Variants in KLHL25 observed in about 807,000 individuals in gnomAD.
The protein encoded by KLHL25 is kelch-like protein 25.
A neutral mutation model predicts 30.0 loss-of-function variants in KLHL25; 41 were observed. The ratio of observed to expected loss-of-function variants is 1.37; its 90% CI spans 1.07 to 1.78. The LOEUF (loss-of-function observed/expected upper bound fraction) is 1.78. Ranked by LOEUF, KLHL25 falls within the 40% of genes most tolerant of loss-of-function variation. The probability of loss-of-function intolerance (pLI) is 0.00; values close to 1 mark genes in which losing one functional copy is unlikely to be tolerated. For missense variants in KLHL25, 971 were observed against 824.5 expected, an observed-to-expected ratio of 1.18 and a Z score of -2.18; for synonymous variants, 399 against 355.3, an observed-to-expected ratio of 1.12 and a Z score of -1.38.
intron 2 of KLHL25, among the ~76,000 whole-genome samples, chr15:85,764,884 G>T (rs2455558): frequency 6.6e-6 from 1 of 152,226 alleles, no homozygotes; most frequent in African/African-American, 2.4e-5. Flanking sequence ...CTGAGCCTCA[G>T]GGGAATCAAG....
intron 2 of KLHL25, chr15:85,764,622 C>T (rs1398184795): frequency 6.6e-6 from 1 of 152,314 alleles, no homozygotes; most frequent in Non-Finnish European, 1.5e-5. Flanking sequence ...CTGAGGAGGA[C>T]TCCAGTGGGC....
chr15:85,793,303 T>C (rs981554465), intron 1 of KLHL25, among the ~76,000 whole-genome samples: 11 of 152,158 alleles, frequency 7.2e-5, no homozygotes, highest in African/African-American at 2.7e-4. Flanking sequence ...TGAAGGTGTC[T>C]TCCATTTCTA....
chr15:85,760,498 T>C lies in KLHL25; in HGVS notation c.*538A>G, dbSNP rs962261973. On this transcript the variant is annotated 3_prime_UTR_variant, in exon 3 of 3. Transcript: ENST00000337975. ...ATGTCACTGAGGCCCCCCTGCAGTTTCTGCACCTTAAAAAATCTGTCTTGG... is the reference window on the plus strand; with the variant it reads ...ATGTCACTGAGGCCCCCCTGCAGTTCCTGCACCTTAAAAAATCTGTCTTGG... 5 of 152,150 alleles carry C rather than the reference T, an allele frequency of 3.3e-5. No homozygotes were observed. The highest frequency in any genetic ancestry group is 1.2e-4 in the African/African-American group (5 of 41,422). 9.4% of individuals were successfully genotyped at this position (152,150 alleles called of 1,614,324 possible).
chr15:85,770,533 T>C (rs747321317), intron 1 of KLHL25: 4 of 534,268 alleles, frequency 7.5e-6, no homozygotes, highest in Non-Finnish European at 1.5e-5. Flanking sequence ...TGGAGACATG[T>C]TCTCTGAATC....
intron 1 of KLHL25, among the ~76,000 whole-genome samples, chr15:85,788,453 G>A (rs372201408): frequency 2.6e-5 from 4 of 152,288 alleles, no homozygotes; most frequent in Non-Finnish European, 5.9e-5. Flanking sequence ...GTGGGATCAG[G>A]AGAGGGTCGG....
intron 1 of KLHL25, among the ~76,000 whole-genome samples, chr15:85,784,358 G>A (rs117076612): frequency 0.018 from 2,667 of 151,894 alleles, 44 homozygotes; most frequent in Non-Finnish European, 0.029. Context: ...ATGAAACCCC[G>A]GTATCTACTA....
chr15:85,783,813 C>G (rs1211010136), intron 1 of KLHL25, among the ~76,000 whole-genome samples: 1 of 152,150 alleles, frequency 6.6e-6, no homozygotes, highest in African/African-American at 2.4e-5. Flanking sequence ...CCTTGGGCAG[C>G]CTACCAGGAA....
intron 2 of KLHL25, chr15:85,764,290 A>C (rs1176975220): frequency 6.6e-6 from 1 of 152,396 alleles, no homozygotes; most frequent in African/African-American, 2.4e-5. Flanking sequence ...GCATGGGAAC[A>C]ACCCAGGGTC....
Position 85,768,024 on chromosome 15 carries a change from G to A in KLHL25, c.*17C>T, listed in dbSNP as rs1206737840. 1.9e-6 allele frequency: 3 copies of A among 1,599,008 alleles called. No individual in the cohort carries two copies. The highest frequency in any genetic ancestry group is 1.7e-4 in the Middle Eastern group (1 of 5,878). ...GGGCTGCCAGGGACTCACCTGGCTG[G>A]GCTCAGCAGGTGCTCCTCACGCGGG... On this transcript the variant is annotated 3_prime_UTR_variant, in exon 2 of 3. Coordinates refer to ENST00000337975, the MANE Select transcript of KLHL25 (RefSeq NM_022480.4).
chr15:85,768,673 C>T lies in KLHL25; in HGVS notation c.1138G>A (p.Gly380Ser). 6.2e-7 allele frequency: 1 copy of T among 1,613,330 alleles called. No individual in the cohort carries two copies. The highest frequency in any genetic ancestry group is 8.5e-7 in the Non-Finnish European group (1 of 1,179,640). ...KAAPMLIARF[G>S]HGSAELENCL... ...TTCTCCAGCTCAGCTGAGCCATGGC[C>T]AAAGCGGGCAATCAGCATGGGCGCC... The change falls in exon 2 of 3, where the codon GGC becomes AGC. Residue 380 changes from glycine to serine, a missense_variant. Physicochemically the swap from Gly to Ser is moderately conservative, Grantham distance 56. Transcript: ENST00000337975.
chr15:85,767,927 C>T (rs187781078), intron 2 of KLHL25, 90 bp downstream of exon 2: 15 of 841,526 alleles, frequency 1.8e-5, no homozygotes, highest in East Asian at 5.4e-5. Context: ...CTGGAAGACA[C>T]GGTGACCTTC....
chr15:85,794,676 C>G (rs1347666309), intron 1 of KLHL25, 90 bp downstream of exon 1: 1 of 152,126 alleles, frequency 6.6e-6, no homozygotes, highest in South Asian at 2.1e-4. Flanking sequence ...GGTCCCGGCC[C>G]GGCCCGGGGT....
In KLHL25 at chr15:85,769,292, C is replaced by A. The variant is rs767900772; in HGVS notation, c.519G>T (p.Leu173=). 2.3e-5 allele frequency: 37 copies of A among 1,613,978 alleles called. No homozygotes were observed. The highest frequency in any genetic ancestry group is 1.6e-5 in the Non-Finnish European group (19 of 1,179,970). Residue 173 remains leucine (L), a synonymous_variant, in exon 2 of 3, where the codon CTG becomes CTT. Coordinates refer to ENST00000337975, the MANE Select transcript of KLHL25 (RefSeq NM_022480.4). ...RLYEFSWRMC[L]VHFETVRQSE... is the part of the protein sequence containing the mutation. Reference sequence around the variant, plus strand: ...TCTGCCTCACCGTCTCAAAGTGCACCAGGCACATGCGCCAGGAGAACTCAT... The same window carrying A: ...TCTGCCTCACCGTCTCAAAGTGCACAAGGCACATGCGCCAGGAGAACTCAT...
Position 85,768,339 on chromosome 15 carries a change from C to T in KLHL25, c.1472G>A (p.Gly491Asp). 6.2e-7 allele frequency: 1 copy of T among 1,613,828 alleles called. No individual in the cohort carries two copies. Among genetic ancestry groups the T allele is most frequent in the Non-Finnish European group, 8.5e-7 (1 of 1,180,036 alleles). ...PWRYTAAAVL[G>D]SQIFIMGGDT... ...ACCTCCCATGATGAAGATCTGGCTG[C>T]CCAGGACGGCAGCGGCTGTGTACCG... Residue 491 changes from glycine (G) to aspartate (D), a missense_variant, in exon 2 of 3, where the codon GGC (glycine) becomes GAC (aspartate). Physicochemically the swap from Gly to Asp is moderately conservative, Grantham distance 94. Coordinates refer to ENST00000337975, the MANE Select transcript of KLHL25 (RefSeq NM_022480.4).
chr15:85,764,770 C>T (rs1485587355), intron 2 of KLHL25, among the ~76,000 whole-genome samples: 1 of 152,220 alleles, frequency 6.6e-6, no homozygotes, highest in Non-Finnish European at 1.5e-5. Flanking sequence ...CCCTGTCCTC[C>T]ATCGCTACCC....
intron 1 of KLHL25, among the ~76,000 whole-genome samples, chr15:85,779,582 A>G (rs2089731163): frequency 6.6e-6 from 1 of 152,208 alleles, no homozygotes; most frequent in Non-Finnish European, 1.5e-5. Context: ...ATGGCTTATT[A>G]TTTTCAGCTT....
intron 1 of KLHL25, among the ~76,000 whole-genome samples, chr15:85,785,050 G>A (rs1275250704): frequency 1.3e-5 from 2 of 151,684 alleles, no homozygotes; most frequent in Non-Finnish European, 1.5e-5. Flanking sequence ...TTCAATTCCT[G>A]GACATGTGAT....
chr15:85,773,646 C>A (rs1318275571), intron 1 of KLHL25, among the ~76,000 whole-genome samples: 1 of 151,856 alleles, frequency 6.6e-6, no homozygotes, highest in African/African-American at 2.4e-5. Context: ...TGTGATGGGG[C>A]CTACACCCAG....
intron 1 of KLHL25, among the ~76,000 whole-genome samples, chr15:85,776,497 T>C (rs1418176883): frequency 6.6e-6 from 1 of 151,942 alleles, no homozygotes; most frequent in Non-Finnish European, 1.5e-5. Context: ...AATCAATCAA[T>C]CAATAGCAAA....
Sources: gnomAD v4.1 joint callset for allele counts (sites outside exome capture counted in the v4.1 genomes callset) on GRCh38, gnomAD v4.1.1 for gene constraint, MANE v1.5 for transcripts, NCBI Gene and HGNC (gene_info 2026-07-23, HGNC 2026-07-21) for gene names.